The following INTS6 variants were observed in gnomAD, a reference collection of about 807,000 sequenced individuals.
INTS6 encodes the protein integrator complex subunit 6, also known as DEAD box protein.
INTS6 carries 16 observed loss-of-function variants against 104.9 expected under a neutral mutation model. The ratio of observed to expected loss-of-function variants is 0.15; its 90% CI spans 0.10 to 0.23. The LOEUF is 0.23. Among genes scored for constraint, INTS6 ranks in the 10% least tolerant of loss-of-function variants. The pLI, the probability that INTS6 is intolerant of heterozygous loss-of-function variation, is 1.00. For missense variants in INTS6, 584 were observed against 1,062.8 expected (o/e 0.55, Z 6.26); for synonymous variants, 324 against 358.7 (o/e 0.90, Z 1.09).
In INTS6 at chr13:51,361,600, C is replaced by T. The variant is rs1382677249; in HGVS notation, c.*4152G>A. 46 of 587,132 alleles carry T rather than the reference C, an allele frequency of 7.8e-5. No individual in the cohort carries two copies. The South Asian group carries it at 1.0e-3, about 13-fold the overall frequency. 36.4% of individuals were successfully genotyped at this position (587,132 alleles called of 1,614,324 possible). ...AGTTACCTTCAATAAGGAATTTATT[C>T]CATGGAATGTGTTGAAAACAGGAGA... On this transcript the variant is annotated 3_prime_UTR_variant, in exon 18 of 18. Coordinates refer to ENST00000311234, the MANE Select transcript of INTS6 (RefSeq NM_012141.3).
chr13:51,379,362 A>G, intron 11 of INTS6, 100 bp downstream of exon 11: 1 of 502,496 alleles, frequency 2.0e-6, no homozygotes, highest in East Asian at 3.2e-5. Flanking sequence ...ATATAATGGA[A>G]TTCCATTAGA....
rs758156207 is a variant in INTS6, at chr13:51,452,570, G to A, written c.-45C>T. ...GGGGCCCGAGGTGGTGGAGAAAGAG[G>A]AGATGGTAGAGGTGGAGGCGCCGGT... is the stretch of plus-strand genomic sequence containing the variant. On this transcript the variant is annotated 5_prime_UTR_variant, in exon 1 of 18. Coordinates refer to ENST00000311234, the MANE Select transcript of INTS6 (RefSeq NM_012141.3). The surrounding 1 kb of genome is among the most constrained non-coding windows in gnomAD (Gnocchi z 4.2). 18 of 1,595,922 alleles carry A rather than the reference G, an allele frequency of 1.1e-5. No individual in the cohort carries two copies. The South Asian group carries it at 1.7e-4, about 15-fold the overall frequency.
chr13:51,378,415 T>G lies in INTS6; in HGVS notation c.1426A>C (p.Lys476Gln). Residue 476 changes from lysine to glutamine, a missense_variant, in exon 12 of 18, where the codon AAA becomes CAA. Coordinates refer to ENST00000311234, the MANE Select transcript of INTS6 (RefSeq NM_012141.3). ...ESDRVIGSVG[K>Q]KVVQETGIKV... is the part of the protein sequence containing the mutation. Reference sequence around the variant, plus strand: ...ATTCCAGTCTCCTGTACTACTTTTTTGCCTACAGATCCAATGACTCGATCA... The same window carrying G: ...ATTCCAGTCTCCTGTACTACTTTTTGGCCTACAGATCCAATGACTCGATCA... The G allele has an allele frequency of 5.0e-6, 8 of 1,613,356 alleles. No homozygotes were observed. The highest frequency in any genetic ancestry group is 6.8e-6 in the Non-Finnish European group (8 of 1,179,418).
intron 3 of INTS6, 53 bp downstream of exon 3, chr13:51,450,972 T>A: frequency 6.9e-7 from 1 of 1,447,488 alleles, no homozygotes; most frequent in Non-Finnish European, 9.1e-7. Flanking sequence ...CTGGACTGTG[T>A]TTTTCCACAA....
intron 3 of INTS6, chr13:51,450,763 G>T: frequency 9.2e-7 from 1 of 1,085,782 alleles, no homozygotes. Flanking sequence ...AACTTTCAAG[G>T]GATTAAAACC....
intron 15 of INTS6, among the ~76,000 whole-genome samples, chr13:51,370,778 T>C (rs190041071): frequency 1.3e-5 from 2 of 152,232 alleles, no homozygotes; most frequent in East Asian, 3.9e-4. Flanking sequence ...CCTGGCAACC[T>C]TCATTTAACC....
At chr13:51,430,053 T>A (rs1454597634) in intron 4 of INTS6, among the ~76,000 whole-genome samples, 1 of 151,972 alleles carries the variant, frequency 6.6e-6, no homozygotes, top group Non-Finnish European at 1.5e-5. Flanking sequence ...CACCCTCACA[T>A]AAACTCATAA....
At chr13:51,450,657 G>T (rs1953021464) in intron 3 of INTS6, 3 of 990,284 alleles carry the variant, frequency 3.0e-6, no homozygotes, top group Middle Eastern at 1.0e-3. Flanking sequence ...ATATAGAAAC[G>T]AAGAACACGA....
Position 51,365,391 on chromosome 13 carries a change from C to CTT in INTS6, c.*359_*360dup, listed in dbSNP as rs149255221. The CTT allele has an allele frequency of 3.0e-4, 45 of 152,488 alleles. No homozygotes were observed. The highest frequency in any genetic ancestry group is 2.3e-3 in the East Asian group (12 of 5,216). The allele number at this position is 152,488 out of a possible 1,614,324, so 9.4% of individuals were successfully genotyped here. On this transcript the variant is annotated 3_prime_UTR_variant, in exon 18 of 18. Transcript: ENST00000311234. ...TTCCCCAAAAATTACAAAGTAACTTCTTTTTTTTTTGGCAAAGTTCAACCT... is the reference window on the plus strand; with the variant it reads ...TTCCCCAAAAATTACAAAGTAACTTCTTTTTTTTTTTTGGCAAAGTTCAACCT...
intron 3 of INTS6, chr13:51,354,999 T>G: frequency 1.0e-6 from 1 of 969,884 alleles, no homozygotes; most frequent in African/African-American, 1.6e-5. Flanking sequence ...GAAAGTATAT[T>G]GAGTGAGAAT....
chr13:51,415,839 A>C (rs1956778115), intron 4 of INTS6, among the ~76,000 whole-genome samples: 1 of 152,232 alleles, frequency 6.6e-6, no homozygotes, highest in South Asian at 2.1e-4. Flanking sequence ...CACGGGAATG[A>C]AATTGTCCAA....
At chr13:51,393,670 A>G (rs775238600) in intron 5 of INTS6, among the ~76,000 whole-genome samples, 1 of 152,226 alleles carries the variant, frequency 6.6e-6, no homozygotes, top group Non-Finnish European at 1.5e-5. Context: ...AAGACTTCCT[A>G]ATTTCTTGAC....
rs1227095939 is a variant in INTS6, at chr13:51,361,984, A to C, written c.*3768T>G. On this transcript the variant is annotated 3_prime_UTR_variant, in exon 18 of 18. Transcript: ENST00000311234. ...TTTGTCCACTATCCCCTCAAAAATAAGCATTCTTTCTAGCTGTTTTTATGG... is the reference window on the plus strand; with the variant it reads ...TTTGTCCACTATCCCCTCAAAAATACGCATTCTTTCTAGCTGTTTTTATGG... 1 of 1,610,966 alleles carries C rather than the reference A, an allele frequency of 6.2e-7. No homozygotes were observed. Among genetic ancestry groups the C allele is most frequent in the Non-Finnish European group, 8.5e-7 (1 of 1,178,240 alleles).
rs200128270 is a variant in INTS6, at chr13:51,452,152, C to CA, written c.112-98dup. On this transcript the variant is annotated intron_variant, in intron 1 of 17. Coordinates refer to ENST00000311234, the MANE Select transcript of INTS6 (RefSeq NM_012141.3). This position sits in a 1 kb window ranked among gnomAD's most constrained non-coding sequence, Gnocchi z 4.2. ...GCGCCCAGCGGCCCCGCCGCCCCCA[C>CA]AGTACCGCACACGCAGCGGCCACCC... The CA allele has an allele frequency of 7.4e-3, 8,307 of 1,129,182 alleles. 448 individuals are homozygous for CA. In the African/African-American group the frequency reaches 0.11, roughly 15 times the overall value. The allele number at this position is 1,129,182 out of a possible 1,614,324, so 69.9% of individuals were successfully genotyped here.
chr13:51,444,301 C>G (rs1005503950), intron 3 of INTS6: 1 of 124,390 alleles, frequency 8.0e-6, no homozygotes, highest in Non-Finnish European at 1.6e-5. Flanking sequence ...GATGGGGTTT[C>G]ACCACATTGT....
chr13:51,408,038 A>G (rs1956607951), intron 4 of INTS6, among the ~76,000 whole-genome samples: 1 of 151,906 alleles, frequency 6.6e-6, no homozygotes, highest in Non-Finnish European at 1.5e-5. Flanking sequence ...AAAAAGTACA[A>G]TAACATTTTC....
the INTS6 span, chr13:51,348,761 G>T: frequency 4.0e-6 from 1 of 247,696 alleles, no homozygotes. Flanking sequence ...TCCCTTGTAG[G>T]AACGTTGCCC....
chr13:51,365,299 C>T lies in INTS6; in HGVS notation c.*453G>A, dbSNP rs753195460. The T allele has an allele frequency of 6.5e-6, 1 of 152,784 alleles. No homozygotes were observed. Among genetic ancestry groups the T allele is most frequent in the Non-Finnish European group, 1.5e-5 (1 of 68,206 alleles). The allele number at this position is 152,784 out of a possible 1,614,324, so 9.5% of individuals were successfully genotyped here. ...TATTCTTCAAAATACATTTGTACAACTTACAATAATATATCCAAAATAACT... is the reference window on the plus strand; with the variant it reads ...TATTCTTCAAAATACATTTGTACAATTTACAATAATATATCCAAAATAACT... On this transcript the variant is annotated 3_prime_UTR_variant, in exon 18 of 18. Coordinates refer to ENST00000311234, the MANE Select transcript of INTS6 (RefSeq NM_012141.3).
chr13:51,341,154 C>A, the INTS6 span: 2 of 1,614,062 alleles, frequency 1.2e-6, no homozygotes, highest in Non-Finnish European at 1.7e-6. Context: ...CAAATGGCCA[C>A]CTCCGTGAAG....
Sources: allele counts gnomAD v4.1 joint callset (sites outside exome capture counted in the v4.1 genomes callset), GRCh38; gene constraint gnomAD v4.1.1; non-coding constraint Gnocchi (gnomAD v3.1); transcripts MANE v1.5; gene names NCBI Gene and HGNC (gene_info 2026-07-23, HGNC 2026-07-21).